CYBC1: variants seen among roughly 807,000 people sequenced by gnomAD.
CYBC1 encodes the protein essential for reactive oxygen species protein.
CYBC1 carries 22 observed loss-of-function variants against 21.7 expected under a neutral mutation model. The observed-to-expected ratio is 1.02, with a 90% CI of 0.73 to 1.45. The LOEUF is 1.45. Among genes scored for constraint, CYBC1 ranks in the 40% most tolerant of loss-of-function variants. The pLI is 0.00. For synonymous variants in CYBC1, 112 were observed against 98.7 expected (o/e 1.13, Z -0.80); for missense variants, 237 against 242.1 (o/e 0.98, Z 0.14).
chr17:82,444,743 G>A (rs1346029561), intron 5 of CYBC1, 152 bp from the exon 6 acceptor site: 1 of 1,001,544 alleles, frequency 1.0e-6, no homozygotes, highest in Non-Finnish European at 1.5e-6. Flanking sequence ...GGCCCCGGAG[G>A]ACTGCTGTGG....
In CYBC1 at chr17:82,446,694, T is replaced by A. The variant is rs1291247444; in HGVS notation, c.130A>T (p.Ser44Cys). 1.2e-6 allele frequency: 2 copies of A among 1,613,964 alleles called. No homozygotes were observed. The highest frequency in any genetic ancestry group is 1.7e-6 in the Non-Finnish European group (2 of 1,179,996). The change falls in exon 4 of 7, where the codon AGC becomes TGC. Residue 44 changes from serine (S) to cysteine (C), a missense_variant and splice_region_variant. Coordinates refer to ENST00000306645, the MANE Select transcript of CYBC1 (RefSeq NM_001033046.4). ...ACGTAGAAGAGCTTCCAGCCCAGGC[T>A]ATCTGGAGATGGGCATAGGGCGCCA... Reference protein sequence around the residue: ...GLAAAYYSGDSLGWKLFYVTG... With the variant: ...GLAAAYYSGDCLGWKLFYVTG...
intron 2 of CYBC1, chr17:82,447,833 A>C (rs1226402777): frequency 3.3e-6 from 2 of 605,848 alleles, no homozygotes; most frequent in African/African-American, 1.9e-5. Flanking sequence ...AGTATCACAC[A>C]CTTGTAATCC....
At position 82,444,143 on chromosome 17, in the gene CYBC1, G is replaced by A. The variant is rs373166666; in HGVS notation, c.444-19C>T. 647 of 1,605,130 alleles carry A rather than the reference G, an allele frequency of 4.0e-4. No homozygotes were observed. The highest frequency in any genetic ancestry group is 6.5e-4 in the Admixed American group (39 of 59,796). ...CACATCACTGGGCGAGGCCGGCAAC[G>A]GGAGGAAGGTCAGGTCACCTCGGCA... On this transcript the variant is annotated intron_variant, in intron 6 of 6. Transcript: ENST00000306645.
Position 82,447,603 on chromosome 17 carries a change from A to G in CYBC1, c.104T>C (p.Leu35Pro). The part of the protein sequence containing the change: ...SLLVGILSIG[L>P]AAAYYSGDSL... ...ACCTCCGCTGTAGTAGGCAGCAGCC[A>G]GGCCAATCGACAAGATTCCTATGAA... Residue 35 changes from leucine to proline, a missense_variant, in exon 3 of 7, where the codon CTG becomes CCG. Physicochemically the swap from Leu to Pro is moderately conservative, Grantham distance 98 (BLOSUM62 -3). Coordinates refer to ENST00000306645, the MANE Select transcript of CYBC1 (RefSeq NM_001033046.4). 1 of 1,599,470 alleles carries G rather than the reference A, an allele frequency of 6.3e-7. No individual in the cohort carries two copies. Among genetic ancestry groups the G allele is most frequent in the Non-Finnish European group, 8.5e-7 (1 of 1,175,056 alleles).
At chr17:82,447,518 CT>C in intron 3 of CYBC1, 61 bp downstream of exon 3, 1 of 1,248,308 alleles carries the variant, frequency 8.0e-7, no homozygotes. Context: ...GTTTTTCCTT[CT>C]TTTCTCTGTT....
chr17:82,445,845 C>T lies in CYBC1; in HGVS notation c.298+19G>A, dbSNP rs751596435. The T allele has an allele frequency of 6.3e-6, 10 of 1,589,012 alleles. No individual in the cohort carries two copies. Among genetic ancestry groups the T allele is most frequent in the Non-Finnish European group, 8.6e-6 (10 of 1,164,200 alleles). On this transcript the variant is annotated intron_variant, in intron 5 of 6. Coordinates refer to ENST00000306645, the MANE Select transcript of CYBC1 (RefSeq NM_001033046.4). ...CCTCTGTGGCCGTGTCCCATGTCCC[C>T]ACGCTCCCCACGACTCACCCTGGTC...
intron 4 of CYBC1, 136 bp from the exon 5 acceptor site, chr17:82,446,096 C>G: frequency 1.5e-6 from 1 of 663,674 alleles, no homozygotes. Flanking sequence ...AGAACCCAAA[C>G]CCCTGAAGCC....
chr17:82,444,598 GGAGAC>G lies in CYBC1; in HGVS notation c.299-12_299-8del. On this transcript the variant is annotated splice_polypyrimidine_tract_variant and splice_region_variant and intron_variant, in intron 5 of 6. Coordinates refer to ENST00000306645, the MANE Select transcript of CYBC1 (RefSeq NM_001033046.4). ...TCATGGAGCAGGACCACCACTGCGGGGAGACGGTCAGTGGCCGAGCCATCCCCGCC... is the reference window on the plus strand; with the variant it reads ...TCATGGAGCAGGACCACCACTGCGGGGGTCAGTGGCCGAGCCATCCCCGCC... 1 of 1,595,010 alleles carries G rather than the reference GGAGAC, an allele frequency of 6.3e-7. No individual in the cohort carries two copies. Among genetic ancestry groups the G allele is most frequent in the South Asian group, 1.1e-5 (1 of 89,866 alleles).
intron 3 of CYBC1, 37 bp downstream of exon 3, chr17:82,447,543 A>T: frequency 1.1e-6 from 1 of 921,030 alleles, no homozygotes; most frequent in Non-Finnish European, 1.6e-6. Flanking sequence ...CAAACAGCTG[A>T]GACAGTCATG....
At chr17:82,446,777 G>C in intron 3 of CYBC1, 81 bp from the exon 4 acceptor site, 1 of 1,432,966 alleles carries the variant, frequency 7.0e-7, no homozygotes, top group Non-Finnish European at 9.8e-7. Context: ...GCCTCCCCCA[G>C]ACGCTGGCCA....
In CYBC1 at chr17:82,446,642, T is replaced by C; in HGVS notation, c.182A>G (p.Gln61Arg). The C allele has an allele frequency of 6.2e-7, 1 of 1,614,150 alleles. No homozygotes were observed. Among genetic ancestry groups the C allele is most frequent in the East Asian group, 2.2e-5 (1 of 44,886 alleles). Residue 61 changes from glutamine to arginine, a missense_variant, in exon 4 of 7, where the codon CAG (glutamine) becomes CGG (arginine). Coordinates refer to ENST00000306645, the MANE Select transcript of CYBC1 (RefSeq NM_001033046.4). ...CCTTACCTCCCAGTCCTCCAAGTTC[T>C]GCACAGCCACAAACAGGCAGCCTGT... is the stretch of plus-strand genomic sequence containing the variant. ...YVTGCLFVAV[Q>R]NLEDWEEAIF...
chr17:82,444,581 C>G lies in CYBC1; in HGVS notation c.309G>C (p.Leu103=). 1 of 1,608,634 alleles carries G rather than the reference C, an allele frequency of 6.2e-7. No individual in the cohort carries two copies. The highest frequency in any genetic ancestry group is 8.5e-7 in the Non-Finnish European group (1 of 1,176,030). The part of the protein sequence containing the change: ...FRAGHDQVVV[L]LHDVRDVSVE... ...CGCTCACATCACGGACATCATGGAGCAGGACCACCACTGCGGGGAGACGGT... is the reference window on the plus strand; with the variant it reads ...CGCTCACATCACGGACATCATGGAGGAGGACCACCACTGCGGGGAGACGGT... The change falls in exon 6 of 7, where the codon CTG becomes CTC. Residue 103 remains leucine, a synonymous_variant. Transcript: ENST00000306645.
rs375699380 is a variant in CYBC1 at position 82,447,564 on chromosome 17, G to A, written c.127+16C>T. ...GCTGAGACAGTCATGGGGGGGTGGG[G>A]CGGGGGGTGCTTTACCTCCGCTGTA... On this transcript the variant is annotated intron_variant, in intron 3 of 6. Coordinates refer to ENST00000306645, the MANE Select transcript of CYBC1 (RefSeq NM_001033046.4). 65 of 1,557,852 alleles carry A rather than the reference G, an allele frequency of 4.2e-5. No individual in the cohort carries two copies. The highest frequency in any genetic ancestry group is 5.3e-5 in the Non-Finnish European group (60 of 1,140,264).
chr17:82,449,604 C>T (rs60529510), intron 1 of CYBC1: 38,921 of 265,960 alleles, frequency 0.15, 3,324 homozygotes, highest in Admixed American at 0.28. Context: ...ACCTTATGTC[C>T]TGAGGCCGCT....
At position 82,443,230 on chromosome 17, in the gene CYBC1, C is replaced by T. The variant is rs2054075501; in HGVS notation, c.*774G>A. ...CCGGCTGGAGCTCCCGGTTTTTAAGCACTGCACGATACTAGAAGAGCTGAC... is the reference window on the plus strand; with the variant it reads ...CCGGCTGGAGCTCCCGGTTTTTAAGTACTGCACGATACTAGAAGAGCTGAC... On this transcript the variant is annotated 3_prime_UTR_variant, in exon 7 of 7. Transcript: ENST00000306645. The surrounding 1 kb of genome is among the most constrained non-coding windows in gnomAD (Gnocchi z 6.7). 3 of 324,378 alleles carry T rather than the reference C, an allele frequency of 9.2e-6. No individual in the cohort carries two copies. The highest frequency in any genetic ancestry group is 1.2e-5 in the Non-Finnish European group (2 of 164,014). The allele number at this position is 324,378 out of a possible 1,614,324, so 20.1% of individuals were successfully genotyped here.
chr17:82,447,625 T>C lies in CYBC1; in HGVS notation c.86-4A>G, dbSNP rs756967334. 1.3e-5 allele frequency: 20 copies of C among 1,592,986 alleles called. No individual in the cohort carries two copies. In the South Asian group the frequency reaches 2.1e-4, roughly 17 times the overall value. ...GCCAGGCCAATCGACAAGATTCCTATGAAGAGAAAGTGACTGCCTGCCTAT... is the reference window on the plus strand; with the variant it reads ...GCCAGGCCAATCGACAAGATTCCTACGAAGAGAAAGTGACTGCCTGCCTAT... On this transcript the variant is annotated splice_polypyrimidine_tract_variant and splice_region_variant and intron_variant, in intron 2 of 6. Coordinates refer to ENST00000306645, the MANE Select transcript of CYBC1 (RefSeq NM_001033046.4).
intron 6 of CYBC1, 31 bp downstream of exon 6, chr17:82,444,416 C>T (rs371043144): frequency 1.3e-6 from 2 of 1,582,590 alleles, no homozygotes; most frequent in African/African-American, 1.3e-5. Flanking sequence ...ACGGCTGCAG[C>T]TCCGGCCAGA....
In CYBC1 at chr17:82,444,120, C is replaced by T; in HGVS notation, c.448G>A (p.Val150Met). ...QSAVMGHRSD[V>M]EAIAKLITSF... ...GTGATGAGCTTGGCGATGGCTTCCA[C>T]ATCACTGGGCGAGGCCGGCAACGGG... The change falls in exon 7 of 7, where the codon GTG becomes ATG. Residue 150 changes from valine (V) to methionine (M), a missense_variant. Transcript: ENST00000306645. 1.3e-5 allele frequency: 21 copies of T among 1,610,228 alleles called. No individual in the cohort carries two copies. The highest frequency in any genetic ancestry group is 1.8e-5 in the Non-Finnish European group (21 of 1,177,218).
chr17:82,449,291 G>A lies in CYBC1; in HGVS notation c.-37C>T. The A allele has an allele frequency of 6.7e-7, 1 of 1,482,604 alleles. No individual in the cohort carries two copies. Among genetic ancestry groups the A allele is most frequent in the South Asian group, 1.3e-5 (1 of 77,978 alleles). 91.8% of individuals were successfully genotyped at this position (1,482,604 alleles called of 1,614,324 possible). ...AGCACCACTCTCTACAGGAGGAGGG[G>A]TCTGGGAACAGACAGAGGCAGCTGA... On this transcript the variant is annotated splice_region_variant and 5_prime_UTR_variant, in exon 2 of 7. Transcript: ENST00000306645.
Sources: allele counts gnomAD v4.1 joint callset, GRCh38; gene constraint gnomAD v4.1.1; non-coding constraint Gnocchi (gnomAD v3.1); transcripts MANE v1.5; gene names NCBI Gene and HGNC (gene_info 2026-07-23, HGNC 2026-07-21).